HDAC4: variants seen among roughly 807,000 people sequenced by gnomAD.
HDAC4 encodes the protein histone deacetylase A.
HDAC4 carries 16 observed loss-of-function variants against 135.1 expected under a neutral mutation model. The observed-to-expected ratio is 0.12, with a 90% CI of 0.08 to 0.18. HDAC4 has a LOEUF of 0.18. HDAC4 is among the 10% of genes least tolerant of loss of function. The pLI is 1.00. For synonymous variants in HDAC4, 685 were observed against 653.4 expected (o/e 1.05, Z -0.74); for missense variants, 1,143 against 1,511.8 (o/e 0.76, Z 4.05).
chr2:239,081,769 C>T lies in HDAC4; in HGVS notation c.2652+333G>A, dbSNP rs3752758. ...AAGGACAGTGGACAGAGCCCCTTGC[C>T]GGAGGGTGTCCTGTGGAAGACAGTG... On this transcript the variant is annotated intron_variant, in intron 21 of 26. Transcript: ENST00000543185. Among the ~76,000 whole-genome samples the T allele has an allele frequency of 0.28, 42,196 of 152,076 alleles. 6,139 individuals carry two copies. Among genetic ancestry groups the T allele is most frequent in the Admixed American group, 0.42 (6,378 of 15,296 alleles).
chr2:239,192,170 C>A (rs114162340), intron 3 of HDAC4, among the ~76,000 whole-genome samples: 1 of 101,310 alleles, frequency 9.9e-6, no homozygotes, highest in Non-Finnish European at 1.9e-5. Context: ...TCCGCCCACC[C>A]CCCACCCCGC....
intron 2 of HDAC4, among the ~76,000 whole-genome samples, chr2:239,323,253 G>T (rs543088139): frequency 2.6e-5 from 4 of 152,278 alleles, no homozygotes; most frequent in African/African-American, 9.6e-5. Flanking sequence ...TATGGACATG[G>T]GGAGACAAAG....
chr2:239,200,833 G>A (rs971439999), intron 3 of HDAC4, among the ~76,000 whole-genome samples: 2 of 152,160 alleles, frequency 1.3e-5, no homozygotes, highest in African/African-American at 4.8e-5. Flanking sequence ...GTTCTAGCAT[G>A]AAGGCAGCTG....
At chr2:239,257,694 C>G (rs1440463890) in intron 2 of HDAC4, among the ~76,000 whole-genome samples, 3 of 152,056 alleles carry the variant, frequency 2.0e-5, no homozygotes. Context: ...TGCTAGGGCC[C>G]CCAAGCACCA....
chr2:239,361,133 T>A (rs959995957), intron 1 of HDAC4, among the ~76,000 whole-genome samples: 1 of 152,156 alleles, frequency 6.6e-6, no homozygotes, highest in Non-Finnish European at 1.5e-5. Context: ...TGTTTTCTCA[T>A]TATCTGTCGG....
At chr2:239,055,713 T>G (rs2031723386) in intron 24 of HDAC4, among the ~76,000 whole-genome samples, 1 of 138,662 alleles carries the variant, frequency 7.2e-6, no homozygotes, top group African/African-American at 2.9e-5. Context: ...TGAGACCCTG[T>G]CTCAAAAAAA....
At chr2:239,098,777 T>A (rs2037350632) in intron 16 of HDAC4, among the ~76,000 whole-genome samples, 1 of 152,230 alleles carries the variant, frequency 6.6e-6, no homozygotes, top group Non-Finnish European at 1.5e-5. Context: ...AAGATAATCA[T>A]CAGCTATTAC....
intron 2 of HDAC4, among the ~76,000 whole-genome samples, chr2:239,291,930 C>T (rs1437713827): frequency 2.0e-5 from 3 of 152,220 alleles, no homozygotes; most frequent in African/African-American, 4.8e-5. Flanking sequence ...CAGTGGATCC[C>T]TCCTTTGTCT....
rs917321816 is a variant in HDAC4, at chr2:239,400,917, A to ACGGTGCTCCGCGGCGG, written c.-220+45_-220+60dup. On this transcript the variant is annotated intron_variant, in intron 1 of 26. Transcript: ENST00000543185. The surrounding 1 kb of genome is among the most constrained non-coding windows in gnomAD (Gnocchi z 4.7). Reference sequence around the variant, plus strand: ...GGCTCGGGCTCGGGCGGCGGCGGGGACGGTGCTCCGCGGCGGCGGCCCCAC... The same window carrying ACGGTGCTCCGCGGCGG: ...GGCTCGGGCTCGGGCGGCGGCGGGGACGGTGCTCCGCGGCGGCGGTGCTCCGCGGCGGCGGCCCCAC... The ACGGTGCTCCGCGGCGG allele has an allele frequency of 2.0e-5, 3 of 147,892 alleles. No individual in the cohort carries two copies. Among genetic ancestry groups the ACGGTGCTCCGCGGCGG allele is most frequent in the African/African-American group, 4.9e-5 (2 of 40,516 alleles). The allele number at this position is 147,892 out of a possible 1,614,324, so 9.2% of individuals were successfully genotyped here. A position where few individuals can be genotyped will look rare whatever the true frequency, so the allele number is the denominator to read the frequency against.
intron 1 of HDAC4, among the ~76,000 whole-genome samples, chr2:239,398,383 T>C (rs1335563724): frequency 6.6e-6 from 1 of 152,264 alleles, no homozygotes; most frequent in Non-Finnish European, 1.5e-5. Flanking sequence ...AAGCCATTCA[T>C]GCTGCATTGA....
At chr2:239,103,748 T>C (rs1403778514) in intron 15 of HDAC4, among the ~76,000 whole-genome samples, 2 of 152,234 alleles carry the variant, frequency 1.3e-5, no homozygotes, top group Non-Finnish European at 2.9e-5. Flanking sequence ...ATGTGAGACC[T>C]GTGGTGGGCG....
At chr2:239,083,920 C>A (rs2035602731) in intron 20 of HDAC4, among the ~76,000 whole-genome samples, 1 of 152,238 alleles carries the variant, frequency 6.6e-6, no homozygotes, top group South Asian at 2.1e-4. Flanking sequence ...GCTGCCGTCA[C>A]CCACAGGCAC....
intron 22 of HDAC4, among the ~76,000 whole-genome samples, chr2:239,080,396 A>G (rs2152680533): frequency 6.6e-6 from 1 of 152,338 alleles, no homozygotes; most frequent in South Asian, 2.1e-4. Flanking sequence ...GGCTCTGGGA[A>G]CCGATGTGGG....
At chr2:239,116,739 AGCCTCCCT>A (rs1240836473) in intron 12 of HDAC4, among the ~76,000 whole-genome samples, 1 of 152,164 alleles carries the variant, frequency 6.6e-6, no homozygotes, top group Non-Finnish European at 1.5e-5. Flanking sequence ...TTGCCCCTGC[AGCCTCCCT>A]GCCACCCTGC....
chr2:239,139,796 TCTGCGGAGG>T lies in HDAC4; in HGVS notation c.866-9_866-1del. The T allele has an allele frequency of 6.2e-7, 1 of 1,612,284 alleles. No individual in the cohort carries two copies. Among genetic ancestry groups the T allele is most frequent in the Non-Finnish European group, 8.5e-7 (1 of 1,179,614 alleles). ...GCCTGGGGCGCTGCTGCACGCGGAG[TCTGCGGAGG>T]CAGAAATACCCTGGTGAGTGTTACT... On this transcript the variant is annotated splice_acceptor_variant and splice_polypyrimidine_tract_variant and intron_variant, in intron 8 of 26. Transcript: ENST00000543185. LOFTEE classifies it high-confidence loss of function. The surrounding 1 kb of genome is among the most constrained non-coding windows in gnomAD (Gnocchi z 5.3).
intron 2 of HDAC4, among the ~76,000 whole-genome samples, chr2:239,314,318 C>T (rs537619351): frequency 2.1e-4 from 32 of 152,320 alleles, no homozygotes; most frequent in African/African-American, 7.2e-4. Context: ...ACCCAAAACA[C>T]ATACGAAGGA....
intron 2 of HDAC4, among the ~76,000 whole-genome samples, chr2:239,317,175 ATAAG>A (rs1414867849): frequency 6.6e-6 from 1 of 152,194 alleles, no homozygotes; most frequent in Non-Finnish European, 1.5e-5. Context: ...GACTGAACAA[ATAAG>A]TAAGTACATG....
At chr2:239,260,666 C>G (rs1302079239) in intron 2 of HDAC4, among the ~76,000 whole-genome samples, 3 of 152,194 alleles carry the variant, frequency 2.0e-5, no homozygotes, top group African/African-American at 7.2e-5. Flanking sequence ...TGGCCTCCGG[C>G]TCTGCTCCTG....
At chr2:239,177,281 G>A (rs894042365) in intron 4 of HDAC4, among the ~76,000 whole-genome samples, 2 of 152,236 alleles carry the variant, frequency 1.3e-5, no homozygotes, top group Admixed American at 6.5e-5. Context: ...TGCAGCTCCA[G>A]ATCCGCACAT....
Sources: allele counts gnomAD v4.1 joint callset (sites outside exome capture counted in the v4.1 genomes callset), GRCh38; gene constraint gnomAD v4.1.1; non-coding constraint Gnocchi (gnomAD v3.1); transcripts MANE v1.5; gene names NCBI Gene and HGNC (gene_info 2026-07-23, HGNC 2026-07-21).